Variants in GRM3 observed in about 807,000 individuals in gnomAD.
GRM3 encodes glutamate metabotropic receptor 3.
GRM3 carries 26 observed loss-of-function variants against 70.5 expected under a neutral mutation model. The observed-to-expected ratio is 0.37, with a 90% CI of 0.27 to 0.51. The LOEUF (loss-of-function observed/expected upper bound fraction) is 0.51. GRM3 is among the 20% of genes least tolerant of loss of function. The pLI is 0.93. For missense variants in GRM3, 859 were observed against 1,123.8 expected (o/e 0.76, Z 3.37); for synonymous variants, 443 against 434.9 (o/e 1.02, Z -0.23).
chr7:86,846,373 C>T (rs1279838982), intron 4 of GRM3, among the ~76,000 whole-genome samples: 1 of 152,158 alleles, frequency 6.6e-6, no homozygotes, highest in Non-Finnish European at 1.5e-5. Context: ...TTGTCTCAAC[C>T]TCCCAAGGAA....
At chr7:86,845,529 A>G (rs1045572122) in intron 4 of GRM3, among the ~76,000 whole-genome samples, 2 of 152,116 alleles carry the variant, frequency 1.3e-5, no homozygotes, top group Non-Finnish European at 2.9e-5. Context: ...GTCTGTCACC[A>G]ACAAGGCATA....
chr7:86,716,766 A>T (rs1795327316), intron 1 of GRM3, among the ~76,000 whole-genome samples: 2 of 151,872 alleles, frequency 1.3e-5, no homozygotes. Context: ...TTTACATAAG[A>T]TTATAAGAAA....
rs138767489 is a variant in GRM3 at position 86,725,500 on chromosome 7, G to A, written c.-140-39506G>A. ...ATAACCTAGCCTCAAAGGCCACATAGCATCACCCTCACCACATTCTATTTG... is the reference window on the plus strand; with the variant it reads ...ATAACCTAGCCTCAAAGGCCACATAACATCACCCTCACCACATTCTATTTG... On this transcript the variant is annotated intron_variant, in intron 1 of 5. Transcript: ENST00000361669. Among the ~76,000 whole-genome samples, 902 of 152,234 alleles carry A rather than the reference G, an allele frequency of 5.9e-3. 3 individuals carry two copies. Among genetic ancestry groups the A allele is most frequent in the Non-Finnish European group, 9.7e-3 (658 of 68,014 alleles).
chr7:86,697,333 G>C (rs1794842359), intron 1 of GRM3, among the ~76,000 whole-genome samples: 1 of 151,416 alleles, frequency 6.6e-6, no homozygotes, highest in African/African-American at 2.4e-5. Context: ...TTTGTACACA[G>C]AATCAGTGAA....
chr7:86,840,206 T>C (rs1798534503), intron 4 of GRM3, among the ~76,000 whole-genome samples: 1 of 152,158 alleles, frequency 6.6e-6, no homozygotes, highest in Admixed American at 6.5e-5. Context: ...ATAATGTTAA[T>C]TAAACTTAAA....
chr7:86,777,812 T>C (rs899018680), intron 2 of GRM3, among the ~76,000 whole-genome samples: 6 of 152,170 alleles, frequency 3.9e-5, no homozygotes, highest in Admixed American at 3.3e-4. Flanking sequence ...CCACCTCCAG[T>C]TCCAGTTTAA....
chr7:86,719,176 A>T (rs1795393870), intron 1 of GRM3, among the ~76,000 whole-genome samples: 1 of 152,034 alleles, frequency 6.6e-6, no homozygotes, highest in African/African-American at 2.4e-5. Flanking sequence ...ATTTAGGGTA[A>T]TACAAATATA....
At chr7:86,726,845 C>T (rs1795604719) in intron 1 of GRM3, among the ~76,000 whole-genome samples, 2 of 152,144 alleles carry the variant, frequency 1.3e-5, no homozygotes, top group Admixed American at 1.3e-4. Context: ...TGGTCAATCT[C>T]CGTCATTCAA....
intron 2 of GRM3, among the ~76,000 whole-genome samples, chr7:86,779,126 G>C (rs1796974182): frequency 6.6e-6 from 1 of 152,130 alleles, no homozygotes; most frequent in South Asian, 2.1e-4. Context: ...CTGTGAATGA[G>C]TATGGCTTGG....
intron 1 of GRM3, among the ~76,000 whole-genome samples, chr7:86,735,644 A>G (rs1220641083): frequency 2.6e-5 from 4 of 152,204 alleles, no homozygotes; most frequent in African/African-American, 9.6e-5. Flanking sequence ...TATAAATAAT[A>G]AAACCATGTC....
At chr7:86,791,964 A>T (rs1286964841) in intron 3 of GRM3, among the ~76,000 whole-genome samples, 1 of 152,202 alleles carries the variant, frequency 6.6e-6, no homozygotes, top group African/African-American at 2.4e-5. Context: ...TCCTAAAGTA[A>T]ATATTTAAAT....
At chr7:86,758,892 T>A (rs973563217) in intron 1 of GRM3, among the ~76,000 whole-genome samples, 27 of 152,276 alleles carry the variant, frequency 1.8e-4, no homozygotes, top group African/African-American at 5.3e-4. Context: ...ACTGGCAACG[T>A]CCCTCTCTTC....
chr7:86,695,204 A>G (rs766562960), intron 1 of GRM3, among the ~76,000 whole-genome samples: 1 of 152,238 alleles, frequency 6.6e-6, no homozygotes, highest in Non-Finnish European at 1.5e-5. Flanking sequence ...GATTAAAAAT[A>G]GAGAAGTTGT....
chr7:86,754,547 A>G (rs373893828), intron 1 of GRM3, among the ~76,000 whole-genome samples: 2 of 152,136 alleles, frequency 1.3e-5, no homozygotes, highest in East Asian at 3.9e-4. Context: ...GCCTGTGGCC[A>G]TCTGAGATGG....
At chr7:86,760,028 A>G (rs1796440913) in intron 1 of GRM3, among the ~76,000 whole-genome samples, 1 of 152,168 alleles carries the variant, frequency 6.6e-6, no homozygotes, top group Admixed American at 6.6e-5. Context: ...TGCACATACT[A>G]GGACTAACCC....
chr7:86,765,541 T>C lies in GRM3; in HGVS notation c.396T>C (p.Tyr132=), dbSNP rs752998039. 3 of 1,613,750 alleles carry C rather than the reference T, an allele frequency of 1.9e-6. No homozygotes were observed. The highest frequency in any genetic ancestry group is 2.2e-5 in the East Asian group (1 of 44,858). ...EAEYMCPDGS[Y]AIQENIPLLI... Reference sequence around the variant, plus strand: ...AGTATATGTGTCCTGATGGATCCTATGCCATTCAAGAAAACATCCCACTTC... The same window carrying C: ...AGTATATGTGTCCTGATGGATCCTACGCCATTCAAGAAAACATCCCACTTC... Residue 132 remains tyrosine (Y), a synonymous_variant, in exon 2 of 6, where the codon TAT becomes TAC. Transcript: ENST00000361669.
At chr7:86,790,922 TTC>T (rs907696613) in intron 3 of GRM3, among the ~76,000 whole-genome samples, 12 of 152,098 alleles carry the variant, frequency 7.9e-5, no homozygotes, top group African/African-American at 2.4e-4. Flanking sequence ...CTTTTGTTTT[TTC>T]ACCCCATGAC....
intron 1 of GRM3, among the ~76,000 whole-genome samples, chr7:86,655,851 T>G (rs899218811): frequency 1.0e-3 from 139 of 139,652 alleles, no homozygotes; most frequent in African/African-American, 3.5e-3. Context: ...TGTGTGTGTG[T>G]GGGTGGGTGG....
At position 86,765,589 on chromosome 7, in the gene GRM3, C is replaced by T. The variant is rs147379368; in HGVS notation, c.444C>T (p.Gly148=). 5.0e-5 allele frequency: 80 copies of T among 1,613,132 alleles called. No individual in the cohort carries two copies. In the African/African-American group the frequency reaches 6.4e-4, roughly 13 times the overall value. Residue 148 remains glycine (G), a synonymous_variant, in exon 2 of 6, where the codon GGC becomes GGT. Transcript: ENST00000361669. ...TTCTCATTGCAGGGGTCATTGGTGG[C>T]TCTTATAGCAGTGTTTCCATACAGG... ...IPLLIAGVIG[G]SYSSVSIQVA...
Sources: allele counts gnomAD v4.1 joint callset (sites outside exome capture counted in the v4.1 genomes callset), GRCh38; gene constraint gnomAD v4.1.1; transcripts MANE v1.5; gene names NCBI Gene and HGNC (gene_info 2026-07-23, HGNC 2026-07-21).